The following TAF1 variants were observed in gnomAD, a reference collection of about 807,000 sequenced individuals.
The protein encoded by TAF1 is transcription initiation factor TFIID subunit 1.
In TAF1, 2 loss-of-function variants were observed where a neutral mutation model predicts 138.5. The observed-to-expected ratio is 0.01, with a 90% CI of 0.01 to 0.05. The LOEUF (loss-of-function observed/expected upper bound fraction) is 0.05. TAF1 is among the 10% of genes least tolerant of loss of function. The probability of loss-of-function intolerance (pLI) is 1.00; values close to 1 mark genes in which losing one functional copy is unlikely to be tolerated. For missense variants in TAF1, 709 were observed against 1,478.0 expected (o/e 0.48, Z 8.53); for synonymous variants, 437 against 503.2 (o/e 0.87, Z 1.76).
intron 25 of TAF1, among the ~76,000 whole-genome samples, chrX:71,402,128 G>GT (rs58082892): frequency 0.035 from 3,931 of 111,115 alleles, 182 homozygotes; most frequent in African/African-American, 0.12. Flanking sequence ...ATCTTGTTGT[G>GT]TTTTTTTTGA....
chrX:71,530,495 G>A (rs949916742), downstream of TAF1: 20 of 96,523 alleles, frequency 2.1e-4, no homozygotes, highest in African/African-American at 7.2e-4. Context: ...CAGCTTCCAC[G>A]GTGTGGAAAG....
At chrX:71,383,246 A>T in intron 12 of TAF1, 82 bp downstream of exon 12, 1 of 1,013,237 alleles carries the variant, frequency 9.9e-7, no homozygotes, top group Non-Finnish European at 1.3e-6. Context: ...ATTAGATTGT[A>T]TTAGGGAATT....
chrX:71,418,106 TA>T (rs1326845463), intron 28 of TAF1, among the ~76,000 whole-genome samples: 1 of 112,316 alleles, frequency 8.9e-6, no homozygotes, highest in Non-Finnish European at 1.9e-5. Context: ...TTTTTTGTTC[TA>T]TTTTTTGAGA....
At chrX:71,372,639 C>CAAA (rs113198786) in intron 3 of TAF1, among the ~76,000 whole-genome samples, 1 of 93,451 alleles carries the variant, frequency 1.1e-5, no homozygotes, top group African/African-American at 3.9e-5. Context: ...ACCCCTGTCT[C>CAAA]AAAAAAAAAA....
At chrX:71,374,914 G>A (rs1167935684) in intron 3 of TAF1, among the ~76,000 whole-genome samples, 3 of 109,212 alleles carry the variant, frequency 2.7e-5, no homozygotes, top group Non-Finnish European at 5.7e-5. Context: ...GAGAAACCCC[G>A]TCTCTACTAA....
chrX:71,379,105 A>ATTTTTTTTTTTT lies in TAF1; in HGVS notation c.1360+86_1360+97dup, dbSNP rs916740866. ...GTCACCATAAGTGGGCTCAGCTGTGATTTTTTTTTTTTTTTTTTTTTTTCG... is the reference window on the plus strand; with the variant it reads ...GTCACCATAAGTGGGCTCAGCTGTGATTTTTTTTTTTTTTTTTTTTTTTTTTTTTTTTTTTCG... On this transcript the variant is annotated intron_variant, in intron 8 of 37. Coordinates refer to ENST00000423759, the MANE Select transcript of TAF1 (RefSeq NM_004606.5). 6.9e-4 allele frequency: 337 copies of ATTTTTTTTTTTT among 485,997 alleles called. 40 individuals are homozygous for ATTTTTTTTTTTT. In the African/African-American group the frequency reaches 0.015, roughly 22 times the overall value. 40.1% of individuals were successfully genotyped at this position (485,997 alleles called of 1,213,427 possible).
chrX:71,388,615 C>G lies in TAF1; in HGVS notation c.2570-123C>G, dbSNP rs1447742278. 4 of 998,164 alleles carry G rather than the reference C, an allele frequency of 4.0e-6. No homozygotes were observed. In the African/African-American group the frequency reaches 7.6e-5, roughly 19 times the overall value. The allele number at this position is 998,164 out of a possible 1,213,427, so 82.3% of individuals were successfully genotyped here. ...ACTTAGCAGCTGGGGTTTTCTTGGC[C>G]AGTCATGCCAACTGTGGCTAGGCCT... On this transcript the variant is annotated intron_variant, in intron 16 of 37. Coordinates refer to ENST00000423759, the MANE Select transcript of TAF1 (RefSeq NM_004606.5).
rs767749595 is a variant in TAF1, at chrX:71,460,645, T to C, written c.5241T>C (p.Ser1747=). The change falls in exon 37 of 38, where the codon AGT becomes AGC. Residue 1747 remains serine (S), a synonymous_variant. Coordinates refer to ENST00000423759, the MANE Select transcript of TAF1 (RefSeq NM_004606.5). ...TTACAGCTATCCAGCTGAGTGAAAGTGGAAGTGACTCTGATGTGGGATCTG... is the reference window on the plus strand; with the variant it reads ...TTACAGCTATCCAGCTGAGTGAAAGCGGAAGTGACTCTGATGTGGGATCTG... ...NPFSAIQLSE[S]GSDSDVGSGG... is the part of the protein sequence containing the mutation. 8.3e-7 allele frequency: 1 copy of C among 1,211,289 alleles called. No homozygotes were observed.
chrX:71,503,275 A>AT (rs1556030857), intron 13 of TAF1, among the ~76,000 whole-genome samples: 12 of 85,537 alleles, frequency 1.4e-4, no homozygotes, highest in East Asian at 1.4e-3. Context: ...TCTCAAAAAA[A>AT]AAATATATAT....
At chrX:71,403,628 C>T (rs916295845) in intron 25 of TAF1, among the ~76,000 whole-genome samples, 9 of 111,401 alleles carry the variant, frequency 8.1e-5, no homozygotes, top group Admixed American at 7.7e-4. Context: ...CCCTGACAAT[C>T]TTTTAATAGT....
At chrX:71,411,992 G>C (rs922926842) in intron 28 of TAF1, among the ~76,000 whole-genome samples, 1 of 111,715 alleles carries the variant, frequency 9.0e-6, no homozygotes, top group Non-Finnish European at 1.9e-5. Context: ...CCAACCTCAG[G>C]TGATCTGCCC....
chrX:71,375,350 GCA>G, intron 4 of TAF1, 64 bp downstream of exon 4: 2 of 1,161,110 alleles, frequency 1.7e-6, no homozygotes, highest in Non-Finnish European at 2.3e-6. Flanking sequence ...CAGGCTTGTG[GCA>G]CACACATAAG....
intron 32 of TAF1, among the ~76,000 whole-genome samples, chrX:71,449,221 A>G (rs759524107): frequency 1.8e-5 from 2 of 111,329 alleles, no homozygotes; most frequent in East Asian, 2.8e-4. Flanking sequence ...CGAACTCCCA[A>G]TCAGGTGATC....
intron 23 of TAF1, 82 bp downstream of exon 23, chrX:71,397,548 T>A: frequency 9.3e-7 from 1 of 1,079,777 alleles, no homozygotes; most frequent in Non-Finnish European, 1.3e-6. Context: ...AGCGGCGTGA[T>A]CTTGGCTCAT....
intron 18 of TAF1, among the ~76,000 whole-genome samples, chrX:71,391,562 A>G (rs2034565038): frequency 9.1e-6 from 1 of 110,456 alleles, no homozygotes; most frequent in Non-Finnish European, 1.9e-5. Context: ...TAAAAAAAGA[A>G]TTCTGTTGAA....
At chrX:71,426,986 T>G (rs1191618578) in intron 32 of TAF1, among the ~76,000 whole-genome samples, 1 of 111,991 alleles carries the variant, frequency 8.9e-6, no homozygotes, top group Non-Finnish European at 1.9e-5. Flanking sequence ...TCCACATGAT[T>G]ATAAGACTTT....
At chrX:71,475,965 C>T (rs892669228) in intron 13 of TAF1, among the ~76,000 whole-genome samples, 9 of 111,211 alleles carry the variant, frequency 8.1e-5, no homozygotes, top group African/African-American at 2.9e-4. Flanking sequence ...GTCTTGCTCC[C>T]GCTTTCACCA....
intron 25 of TAF1, among the ~76,000 whole-genome samples, chrX:71,403,866 G>A (rs2035308711): frequency 1.0e-5 from 1 of 98,844 alleles, no homozygotes; most frequent in Admixed American, 1.1e-4. Context: ...CTCACATAGT[G>A]TCCCAAATTT....
At chrX:71,478,878 G>A (rs1256465388) in intron 13 of TAF1, among the ~76,000 whole-genome samples, 7 of 111,922 alleles carry the variant, frequency 6.3e-5, no homozygotes, top group Non-Finnish European at 1.1e-4. Flanking sequence ...CAGGTGATCC[G>A]CCCGCCTTGG....
Sources: allele counts gnomAD v4.1 joint callset (sites outside exome capture counted in the v4.1 genomes callset), GRCh38; gene constraint gnomAD v4.1.1; transcripts MANE v1.5; gene names NCBI Gene and HGNC (gene_info 2026-07-23, HGNC 2026-07-21).